MPRIP: variants seen among roughly 807,000 people sequenced by gnomAD.
The protein encoded by MPRIP is myosin phosphatase Rho interacting protein.
Under a neutral mutation model 234.9 loss-of-function variants are expected in MPRIP, and 59 were observed. The ratio of observed to expected loss-of-function variants is 0.25; its 90% CI spans 0.20 to 0.31. The LOEUF (loss-of-function observed/expected upper bound fraction) is 0.31. Ranked by LOEUF, MPRIP falls within the 10% of genes least tolerant of loss-of-function variation. MPRIP has a pLI of 1.00. For missense variants in MPRIP, 2,436 were observed against 3,071.0 expected (o/e 0.79, Z 4.89); for synonymous variants, 1,144 against 1,263.9 (o/e 0.91, Z 2.01).
intron 3 of MPRIP, among the ~76,000 whole-genome samples, chr17:17,100,109 C>G (rs926893625): frequency 6.6e-6 from 1 of 152,186 alleles, no homozygotes; most frequent in African/African-American, 2.4e-5. Context: ...TGCACTATAG[C>G]TGTCCTGGAC....
chr17:17,122,689 C>A (rs1479116951), intron 3 of MPRIP, among the ~76,000 whole-genome samples: 1 of 152,170 alleles, frequency 6.6e-6, no homozygotes, highest in African/African-American at 2.4e-5. Context: ...TCAGTACGTA[C>A]CTGGACCTGT....
intron 3 of MPRIP, among the ~76,000 whole-genome samples, chr17:17,093,163 AC>A (rs1408032544): frequency 6.6e-6 from 1 of 152,200 alleles, no homozygotes. Flanking sequence ...TAATTTTAGA[AC>A]ACATCAGTCA....
chr17:17,121,122 G>A (rs2090380427), intron 3 of MPRIP, among the ~76,000 whole-genome samples: 2 of 152,180 alleles, frequency 1.3e-5, no homozygotes, highest in African/African-American at 4.8e-5. Flanking sequence ...TTACAGTTCT[G>A]CGTTGTTTAA....
intron 3 of MPRIP, among the ~76,000 whole-genome samples, chr17:17,088,938 T>C (rs1567707128): frequency 6.6e-6 from 1 of 152,324 alleles, no homozygotes; most frequent in East Asian, 1.9e-4. Context: ...ATCTCAGAGA[T>C]GCAGGTCAGC....
chr17:17,175,441 CTCA>C, intron 20 of MPRIP, 29 bp downstream of exon 20: 1 of 1,573,614 alleles, frequency 6.4e-7, no homozygotes, highest in African/African-American at 1.3e-5. Flanking sequence ...CCCTGCCTGA[CTCA>C]GCTCTGCACC....
At chr17:17,121,214 G>A (rs760061286) in intron 3 of MPRIP, among the ~76,000 whole-genome samples, 4 of 152,334 alleles carry the variant, frequency 2.6e-5, no homozygotes, top group South Asian at 4.1e-4. Flanking sequence ...CTTACACAAA[G>A]TTAGACAGTA....
chr17:17,046,297 A>G (rs1237245599), intron 1 of MPRIP, among the ~76,000 whole-genome samples: 2 of 152,228 alleles, frequency 1.3e-5, no homozygotes, highest in African/African-American at 4.8e-5. Flanking sequence ...ATTGATAGAC[A>G]TCAAGGTTGC....
intron 1 of MPRIP, among the ~76,000 whole-genome samples, chr17:17,053,401 C>A (rs185033848): frequency 6.6e-6 from 1 of 152,044 alleles, no homozygotes; most frequent in Non-Finnish European, 1.5e-5. Flanking sequence ...CCTCAGCAAC[C>A]GCAGGATCTG....
intron 3 of MPRIP, among the ~76,000 whole-genome samples, chr17:17,088,842 A>C (rs1036531317): frequency 6.6e-6 from 1 of 152,248 alleles, no homozygotes; most frequent in Non-Finnish European, 1.5e-5. Flanking sequence ...ACTGTTTTTC[A>C]GAAAAATCTT....
intron 3 of MPRIP, among the ~76,000 whole-genome samples, chr17:17,113,878 T>C (rs1325528542): frequency 7.6e-6 from 1 of 131,978 alleles, no homozygotes; most frequent in Non-Finnish European, 1.5e-5. Flanking sequence ...TTCTTTTCTT[T>C]TCTTTTCTTT....
At chr17:17,053,778 G>A (rs1349119897) in intron 1 of MPRIP, among the ~76,000 whole-genome samples, 2 of 152,234 alleles carry the variant, frequency 1.3e-5, no homozygotes, top group Non-Finnish European at 2.9e-5. Context: ...CCATTAAACA[G>A]ATGCTCAGGC....
chr17:17,113,977 C>T (rs1355236216), intron 3 of MPRIP, among the ~76,000 whole-genome samples: 2 of 149,686 alleles, frequency 1.3e-5, no homozygotes, highest in African/African-American at 4.9e-5. Context: ...ACTGCAACCT[C>T]GAACTCCTGG....
Position 17,165,190 on chromosome 17 carries a change from G to A in MPRIP, c.3599G>A (p.Ser1200Asn), listed in dbSNP as rs1165610809. The A allele has an allele frequency of 7.7e-7, 1 of 1,304,160 alleles. No homozygotes were observed. The highest frequency in any genetic ancestry group is 1.5e-5 in the African/African-American group (1 of 66,002). The allele number at this position is 1,304,160 out of a possible 1,614,324, so 80.8% of individuals were successfully genotyped here. A position where few individuals can be genotyped will look rare whatever the true frequency, so the allele number is the denominator to read the frequency against. ...EALVKMVALG[S>N]SLEETEIKLQ... ...TTGGTTAAAATGGTTGCCTTGGGGA[G>A]CAGCTTAGAGGAAACAGAAATTAAG... Residue 1200 changes from serine to asparagine, a missense_variant, in exon 16 of 24, where the codon AGC (serine) becomes AAC (asparagine). Physicochemically the swap from Ser to Asn is conservative, Grantham distance 46 (BLOSUM62 1). This residue lies in a region of MPRIP where 1,998 missense variants were observed against 2,520.3 expected (regional missense o/e 0.79). Coordinates refer to ENST00000651222, the MANE Select transcript of MPRIP (RefSeq NM_001364716.4).
chr17:17,134,778 C>T (rs935515262), intron 5 of MPRIP, among the ~76,000 whole-genome samples: 3 of 152,254 alleles, frequency 2.0e-5, no homozygotes, highest in African/African-American at 7.2e-5. Context: ...GCGTGTGGGC[C>T]TGCTGCCTCT....
At chr17:17,043,091 G>A (rs996487322) in intron 1 of MPRIP, 120 bp downstream of exon 1, 11 of 963,544 alleles carry the variant, frequency 1.1e-5, no homozygotes, top group Non-Finnish European at 1.7e-5. Context: ...GAGTCCTGGG[G>A]CATGGGGACG....
At chr17:17,099,606 A>C (rs2089918589) in intron 3 of MPRIP, among the ~76,000 whole-genome samples, 1 of 152,204 alleles carries the variant, frequency 6.6e-6, no homozygotes. Flanking sequence ...GCATACCTAT[A>C]GTCCTAGCTA....
chr17:17,107,439 T>G (rs1349612677), intron 3 of MPRIP, among the ~76,000 whole-genome samples: 1 of 152,226 alleles, frequency 6.6e-6, no homozygotes, highest in African/African-American at 2.4e-5. Context: ...TGCTCCGGCA[T>G]CTGGCATTTG....
intron 6 of MPRIP, 73 bp downstream of exon 6, chr17:17,136,523 C>A: frequency 7.0e-7 from 1 of 1,428,602 alleles, no homozygotes; most frequent in South Asian, 1.3e-5. Context: ...CCTGGGGATT[C>A]AGCCAAGGCC....
intron 3 of MPRIP, among the ~76,000 whole-genome samples, chr17:17,120,218 G>C (rs2090362543): frequency 6.6e-6 from 1 of 152,172 alleles, no homozygotes; most frequent in Non-Finnish European, 1.5e-5. Flanking sequence ...CCATATTTCT[G>C]CTTACTTTCC....
Sources: allele counts gnomAD v4.1 joint callset (sites outside exome capture counted in the v4.1 genomes callset), GRCh38; gene constraint gnomAD v4.1.1; regional missense constraint gnomAD v4.1.1; transcripts MANE v1.5; gene names NCBI Gene and HGNC (gene_info 2026-07-23, HGNC 2026-07-21).